Variants in XPO4 observed in about 807,000 individuals in gnomAD.
XPO4 encodes the protein exportin 4, also known as exportin-4.
Under a neutral mutation model 143.0 loss-of-function variants are expected in XPO4, and 39 were observed. The observed-to-expected ratio is 0.27, with a 90% CI of 0.21 to 0.36. The LOEUF (loss-of-function observed/expected upper bound fraction) is 0.36, where lower values mean the gene tolerates loss of function less well. Ranked by LOEUF, XPO4 falls within the 10% of genes least tolerant of loss-of-function variation. The pLI is 1.00. For synonymous variants in XPO4, 439 were observed against 474.0 expected (o/e 0.93, Z 0.96); for missense variants, 907 against 1,348.0 (o/e 0.67, Z 5.12).
intron 1 of XPO4, among the ~76,000 whole-genome samples, chr13:20,900,905 C>A (rs2060615136): frequency 6.6e-6 from 1 of 152,162 alleles, no homozygotes; most frequent in African/African-American, 2.4e-5. Context: ...AGCCACCGCA[C>A]CCGGCTGTAA....
intron 1 of XPO4, among the ~76,000 whole-genome samples, chr13:20,893,434 T>G (rs1374209002): frequency 6.6e-6 from 1 of 151,978 alleles, no homozygotes; most frequent in Non-Finnish European, 1.5e-5. Context: ...AAGATGAGGA[T>G]ATGGAATGAA....
Position 20,842,950 on chromosome 13 carries a change from C to T in XPO4, c.672G>A (p.Gln224=), listed in dbSNP as rs759283474. 2 of 1,613,296 alleles carry T rather than the reference C, an allele frequency of 1.2e-6. No individual in the cohort carries two copies. Among genetic ancestry groups the T allele is most frequent in the East Asian group, 2.2e-5 (1 of 44,848 alleles). Reference sequence around the variant, plus strand: ...CTTGATTGGCGAGTGCAAGGTAACGCTGAAATACTGAAGACATCTGAGCAT... The same window carrying T: ...CTTGATTGGCGAGTGCAAGGTAACGTTGAAATACTGAAGACATCTGAGCAT... ...NLNAQMSSVF[Q]RYLALANQVL... The change falls in exon 6 of 23, where the codon CAG becomes CAA. Residue 224 remains glutamine (Q), a synonymous_variant. Transcript: ENST00000255305.
intron 3 of XPO4, among the ~76,000 whole-genome samples, chr13:20,856,582 T>C (rs1304009492): frequency 1.3e-5 from 2 of 152,338 alleles, no homozygotes; most frequent in South Asian, 2.1e-4. Flanking sequence ...ACATGGCTTA[T>C]AAGCAGTGGG....
chr13:20,856,962 T>C, intron 3 of XPO4: 2 of 887,712 alleles, frequency 2.3e-6, no homozygotes, highest in Non-Finnish European at 2.7e-6. Flanking sequence ...CTATGCACAC[T>C]AGCATATGCA....
At chr13:20,808,192 T>C (rs1288994112) in intron 12 of XPO4, among the ~76,000 whole-genome samples, 4 of 152,178 alleles carry the variant, frequency 2.6e-5, no homozygotes, top group Admixed American at 6.5e-5. Context: ...ATAGTAATAC[T>C]ACCTAGCAAT....
intron 1 of XPO4, 28 bp from the exon 2 acceptor site, chr13:20,868,729 C>T (rs751411547): frequency 2.5e-6 from 4 of 1,587,300 alleles, no homozygotes; most frequent in Non-Finnish European, 3.4e-6. Context: ...AGAACAGATA[C>T]ACTTATCTAA....
intron 4 of XPO4, among the ~76,000 whole-genome samples, chr13:20,853,555 C>G (rs988053095): frequency 6.6e-6 from 1 of 151,982 alleles, no homozygotes; most frequent in Non-Finnish European, 1.5e-5. Flanking sequence ...ACCCTTCTTT[C>G]AAGAAATATT....
chr13:20,846,263 C>T (rs1037848379), intron 4 of XPO4, among the ~76,000 whole-genome samples: 2 of 152,180 alleles, frequency 1.3e-5, no homozygotes, highest in Non-Finnish European at 2.9e-5. Context: ...CACAGCCATA[C>T]GTACTCACAA....
intron 1 of XPO4, among the ~76,000 whole-genome samples, chr13:20,884,689 A>C: frequency 6.6e-6 from 1 of 152,100 alleles, no homozygotes; most frequent in Admixed American, 6.6e-5. Context: ...CTGGGATTAG[A>C]GGCATGAGCA....
chr13:20,843,733 T>C (rs529294531), intron 5 of XPO4, 37 bp downstream of exon 5: 2 of 1,401,292 alleles, frequency 1.4e-6, no homozygotes, highest in East Asian at 4.6e-5. Context: ...AAGTGAATGA[T>C]CCAATAATTA....
intron 1 of XPO4, among the ~76,000 whole-genome samples, chr13:20,881,471 T>C (rs995889110): frequency 6.6e-6 from 1 of 151,854 alleles, no homozygotes; most frequent in African/African-American, 2.4e-5. Flanking sequence ...GGGGTTTCAC[T>C]GTGTTAGCCA....
chr13:20,785,780 G>C (rs1028332569), intron 22 of XPO4, among the ~76,000 whole-genome samples: 1 of 151,012 alleles, frequency 6.6e-6, no homozygotes, highest in African/African-American at 2.4e-5. Context: ...TTAAAAGAGA[G>C]GGAGAGAGAG....
intron 19 of XPO4, among the ~76,000 whole-genome samples, chr13:20,789,134 A>T (rs1235967412): frequency 6.6e-6 from 1 of 152,252 alleles, no homozygotes; most frequent in Non-Finnish European, 1.5e-5. Context: ...AACCACACTT[A>T]AGAAAAATAC....
chr13:20,862,441 G>A (rs532421500), intron 3 of XPO4, among the ~76,000 whole-genome samples: 52 of 152,226 alleles, frequency 3.4e-4, no homozygotes, highest in African/African-American at 1.3e-3. Flanking sequence ...TTTAAAATAT[G>A]AGCCCCACAC....
intron 1 of XPO4, among the ~76,000 whole-genome samples, chr13:20,898,063 AT>A (rs1326265801): frequency 6.6e-6 from 1 of 152,106 alleles, no homozygotes; most frequent in Non-Finnish European, 1.5e-5. Flanking sequence ...AGGTTTTCTC[AT>A]TTATAAGGTT....
At chr13:20,878,458 T>C (rs969366022) in intron 1 of XPO4, among the ~76,000 whole-genome samples, 2 of 152,192 alleles carry the variant, frequency 1.3e-5, no homozygotes, top group Non-Finnish European at 1.5e-5. Flanking sequence ...CAACAGAGAA[T>C]ACATTGCAGT....
chr13:20,784,041 G>T, intron 22 of XPO4, 122 bp from the exon 23 acceptor site: 1 of 897,870 alleles, frequency 1.1e-6, no homozygotes, highest in Non-Finnish European at 1.7e-6. Flanking sequence ...TTAACATTTA[G>T]AATAATTCAG....
intron 22 of XPO4, among the ~76,000 whole-genome samples, chr13:20,784,599 A>G (rs187277762): frequency 3.0e-4 from 46 of 152,320 alleles, no homozygotes; most frequent in Non-Finnish European, 1.5e-5. Context: ...AAAGTGGAAG[A>G]AGGTGTGGGC....
chr13:20,888,741 A>C (rs1489520437), intron 1 of XPO4, among the ~76,000 whole-genome samples: 1 of 152,148 alleles, frequency 6.6e-6, no homozygotes, highest in Non-Finnish European at 1.5e-5. Context: ...AAAGAGAAGA[A>C]AACTGACAAA....
Sources: gnomAD v4.1 joint callset for allele counts (sites outside exome capture counted in the v4.1 genomes callset) on GRCh38, gnomAD v4.1.1 for gene constraint, MANE v1.5 for transcripts, NCBI Gene and HGNC (gene_info 2026-07-23, HGNC 2026-07-21) for gene names.